The following ANKRD27 variants were observed in gnomAD, a reference collection of about 807,000 sequenced individuals.
ANKRD27 encodes ankyrin repeat domain 27.
In ANKRD27, 112 loss-of-function variants were observed where a neutral mutation model predicts 129.7. That is an observed-to-expected ratio of 0.86 (90% CI 0.74 to 1.01). ANKRD27 has a LOEUF of 1.01. Among genes scored for constraint, ANKRD27 ranks in the 50% least tolerant of loss-of-function variants. ANKRD27 has a pLI of 0.00. For synonymous variants in ANKRD27, 516 were observed against 511.2 expected (o/e 1.01, Z -0.13); for missense variants, 1,258 against 1,300.5 (o/e 0.97, Z 0.50).
chr19:32,627,860 C>A (rs4805784), intron 15 of ANKRD27, among the ~76,000 whole-genome samples: 101,696 of 152,182 alleles, frequency 0.67, 34,167 homozygotes, highest in African/African-American at 0.71. Context: ...TGCCGTGGGA[C>A]CCACGCAGGG....
chr19:32,603,808 G>A (rs914866629), intron 25 of ANKRD27, among the ~76,000 whole-genome samples: 1 of 152,110 alleles, frequency 6.6e-6, no homozygotes, highest in Non-Finnish European at 1.5e-5. Context: ...CAAAGTGCTG[G>A]GATTACAGGC....
At chr19:32,624,809 G>A (rs1158023837) in intron 17 of ANKRD27, among the ~76,000 whole-genome samples, 1 of 151,840 alleles carries the variant, frequency 6.6e-6, no homozygotes, top group Admixed American at 6.6e-5. Context: ...GCATGGTGGT[G>A]TGTACCTTTA....
rs560553088 is a variant in ANKRD27, at chr19:32,644,266, A to G, written c.525+59T>C. 4.9e-5 allele frequency: 77 copies of G among 1,573,424 alleles called. No individual in the cohort carries two copies. The African/African-American group carries it at 9.3e-4, about 19-fold the overall frequency. ...GTTCCAGAGGAAACTGAGGGCTCCC[A>G]GCACCCTGCACTGAACCGAGACAGG... On this transcript the variant is annotated intron_variant, in intron 5 of 28. Transcript: ENST00000306065.
intron 2 of ANKRD27, among the ~76,000 whole-genome samples, chr19:32,652,604 A>G (rs1427436347): frequency 6.6e-6 from 1 of 151,252 alleles, no homozygotes; most frequent in Non-Finnish European, 1.5e-5. Flanking sequence ...TGGGGGAAAG[A>G]AAGTCCTGCA....
intron 11 of ANKRD27, among the ~76,000 whole-genome samples, chr19:32,640,102 C>T (rs950612144): frequency 1.3e-5 from 2 of 152,180 alleles, no homozygotes; most frequent in African/African-American, 4.8e-5. Context: ...GCTGGGACTA[C>T]AGGTGCCCAC....
At chr19:32,603,728 G>C (rs767854056) in intron 25 of ANKRD27, among the ~76,000 whole-genome samples, 27 of 151,990 alleles carry the variant, frequency 1.8e-4, no homozygotes, top group Non-Finnish European at 3.5e-4. Flanking sequence ...TTGTAGAGAG[G>C]GGGTCTCACT....
chr19:32,628,805 G>A lies in ANKRD27; in HGVS notation c.1254C>T (p.Ser418=), dbSNP rs1172041172. The A allele has an allele frequency of 5.0e-6, 8 of 1,614,120 alleles. No homozygotes were observed. The highest frequency in any genetic ancestry group is 5.9e-6 in the Non-Finnish European group (7 of 1,180,008). ...CGGTATCTTTATCATGGTCCTCTTG[G>A]CTCAGAAGTCTCTCCACTTCTTTCT... ...GNQKEVERLL[S]QEDHDKDTVQ... Residue 418 remains serine (S), a synonymous_variant, in exon 14 of 29, where the codon AGC becomes AGT. Coordinates refer to ENST00000306065, the MANE Select transcript of ANKRD27 (RefSeq NM_032139.3).
chr19:32,654,797 T>G (rs1011966142), intron 2 of ANKRD27, among the ~76,000 whole-genome samples: 1 of 152,116 alleles, frequency 6.6e-6, no homozygotes, highest in African/African-American at 2.4e-5. Context: ...TTGTTTGTTT[T>G]TTGAGATAGA....
chr19:32,609,160 C>T (rs934386933), intron 22 of ANKRD27, among the ~76,000 whole-genome samples: 6 of 150,948 alleles, frequency 4.0e-5, no homozygotes, highest in Non-Finnish European at 1.5e-5. Context: ...TGTGGAGCAA[C>T]TGGAATGCTC....
At chr19:32,633,817 T>C (rs1246138960) in intron 12 of ANKRD27, among the ~76,000 whole-genome samples, 1 of 147,432 alleles carries the variant, frequency 6.8e-6, no homozygotes, top group African/African-American at 2.5e-5. Context: ...AGCCCAGGAG[T>C]TCAAGCTCAG....
At chr19:32,608,596 CAT>C (rs979105187) in intron 22 of ANKRD27, 53 of 197,932 alleles carry the variant, frequency 2.7e-4, no homozygotes, top group African/African-American at 8.6e-4. Flanking sequence ...GGAAAACACA[CAT>C]GTGCACATAC....
At chr19:32,619,786 C>G (rs115607432) in intron 18 of ANKRD27, among the ~76,000 whole-genome samples, 1 of 152,156 alleles carries the variant, frequency 6.6e-6, no homozygotes, top group Non-Finnish European at 1.5e-5. Context: ...TTCACGGCTC[C>G]TCCTGTCCCG....
At chr19:32,651,164 G>T (rs1021066673) in intron 2 of ANKRD27, among the ~76,000 whole-genome samples, 1 of 152,140 alleles carries the variant, frequency 6.6e-6, no homozygotes, top group Non-Finnish European at 1.5e-5. Context: ...CTCCCAAGTG[G>T]CCTCACCACT....
chr19:32,626,670 A>T (rs770053002), intron 16 of ANKRD27, 42 bp downstream of exon 16: 6 of 1,485,214 alleles, frequency 4.0e-6, no homozygotes. Context: ...CCAAGCTCAC[A>T]GGAGCAAAGC....
intron 2 of ANKRD27, among the ~76,000 whole-genome samples, chr19:32,654,519 G>A (rs970688207): frequency 2.0e-5 from 3 of 152,180 alleles, no homozygotes; most frequent in African/African-American, 7.2e-5. Flanking sequence ...GCACAACTGC[G>A]GACTGGACAG....
At chr19:32,617,862 C>G (rs901577854) in intron 20 of ANKRD27, among the ~76,000 whole-genome samples, 1 of 151,300 alleles carries the variant, frequency 6.6e-6, no homozygotes, top group Non-Finnish European at 1.5e-5. Context: ...TCAAGCGATT[C>G]TCCTGCCTCA....
Position 32,602,078 on chromosome 19 carries a change from A to C in ANKRD27, c.2704T>G (p.Ser902Ala), listed in dbSNP as rs139575863. 8 of 1,613,986 alleles carry C rather than the reference A, an allele frequency of 5.0e-6. No individual in the cohort carries two copies. The South Asian group carries it at 5.5e-5, about 11-fold the overall frequency. ...LLQVVPSCVA[S>A]LDDVAETDRK... ...TCAGTTTCAGCCACATCATCTAATGAAGCAACACAGCTTGGTACCACCTGA... is the reference window on the plus strand; with the variant it reads ...TCAGTTTCAGCCACATCATCTAATGCAGCAACACAGCTTGGTACCACCTGA... The change falls in exon 26 of 29, where the codon TCA becomes GCA. Residue 902 changes from serine (S) to alanine (A), a missense_variant. Ser to Ala is a moderately conservative substitution (Grantham distance 99, BLOSUM62 1). Transcript: ENST00000306065.
At chr19:32,612,669 G>A (rs1039072047) in intron 22 of ANKRD27, among the ~76,000 whole-genome samples, 3 of 152,172 alleles carry the variant, frequency 2.0e-5, no homozygotes, top group Non-Finnish European at 4.4e-5. Context: ...ATAGCCAACT[G>A]AGGTGCAAAG....
At position 32,597,128 on chromosome 19, in the gene ANKRD27, C is replaced by A. The variant is rs1971581380; in HGVS notation, c.*1017G>T. On this transcript the variant is annotated 3_prime_UTR_variant, in exon 29 of 29. Coordinates refer to ENST00000306065, the MANE Select transcript of ANKRD27 (RefSeq NM_032139.3). ...AATCCCTCCCTTCCTTCTGTACATA[C>A]ACAAGTATTTCCAAGAACATGGACA... is the stretch of plus-strand genomic sequence containing the variant. The A allele has an allele frequency of 6.6e-6, 1 of 152,246 alleles. No individual in the cohort carries two copies. The highest frequency in any genetic ancestry group is 1.5e-5 in the Non-Finnish European group (1 of 67,972). The allele number at this position is 152,246 out of a possible 1,614,324, so 9.4% of individuals were successfully genotyped here.
Sources: allele counts gnomAD v4.1 joint callset (sites outside exome capture counted in the v4.1 genomes callset), GRCh38; gene constraint gnomAD v4.1.1; transcripts MANE v1.5; gene names NCBI Gene and HGNC (gene_info 2026-07-23, HGNC 2026-07-21).